Variants in CCSER1 observed in about 807,000 individuals in gnomAD.
The protein encoded by CCSER1 is serine-rich coiled-coil domain-containing protein 1.
A neutral mutation model predicts 82.0 loss-of-function variants in CCSER1; 41 were observed. The observed-to-expected ratio is 0.50, with a 90% CI of 0.39 to 0.65. CCSER1 has a LOEUF of 0.65. CCSER1 is among the 30% of genes least tolerant of loss of function. The pLI, the probability that CCSER1 is intolerant of heterozygous loss-of-function variation, is 0.00. For missense variants in CCSER1, 1,119 were observed against 1,064.2 expected, an observed-to-expected ratio of 1.05 and a Z score of -0.72; for synonymous variants, 414 against 383.9, an observed-to-expected ratio of 1.08 and a Z score of -0.92.
At chr4:90,192,925 A>T (rs537982920) in intron 1 of CCSER1, among the ~76,000 whole-genome samples, 1 of 151,968 alleles carries the variant, frequency 6.6e-6, no homozygotes, top group Non-Finnish European at 1.5e-5. Context: ...ACAAAAAACA[A>T]TTTTTCTTTC....
In CCSER1 at chr4:90,572,418, G is replaced by T. The variant is rs540551293; in HGVS notation, c.1725-55607G>T. Among the ~76,000 whole-genome samples the T allele has an allele frequency of 3.4e-4, 51 of 152,094 alleles. 1 individual carries two copies. Among genetic ancestry groups the T allele is most frequent in the Admixed American group, 3.9e-4 (6 of 15,286 alleles). On this transcript the variant is annotated intron_variant, in intron 5 of 10. Transcript: ENST00000509176. ...AATTACCTACTACTATCTTGTTAAA[G>T]AAATTTTCTATCCTATTATGTTTCT...
intron 1 of CCSER1, among the ~76,000 whole-genome samples, chr4:90,215,033 A>G (rs1740771361): frequency 6.6e-6 from 1 of 152,206 alleles, no homozygotes; most frequent in South Asian, 2.1e-4. Flanking sequence ...CATTAATTTT[A>G]AAGAAATGTG....
At chr4:91,079,460 C>T (rs1002734602) in intron 9 of CCSER1, among the ~76,000 whole-genome samples, 1 of 152,156 alleles carries the variant, frequency 6.6e-6, no homozygotes, top group African/African-American at 2.4e-5. Flanking sequence ...GTACCAGCCA[C>T]TGCAAAAACA....
At chr4:91,530,831 G>A (rs577740069) in intron 10 of CCSER1, among the ~76,000 whole-genome samples, 6 of 151,940 alleles carry the variant, frequency 3.9e-5, no homozygotes, top group Non-Finnish European at 8.8e-5. Context: ...GGGATTACAG[G>A]CATGCGCCAC....
At chr4:90,479,086 A>G (rs1241270075) in intron 5 of CCSER1, among the ~76,000 whole-genome samples, 1 of 150,948 alleles carries the variant, frequency 6.6e-6, no homozygotes, top group Non-Finnish European at 1.5e-5. Flanking sequence ...AATCTGACAC[A>G]CTGTGAAATC....
At chr4:90,309,676 T>C in intron 2 of CCSER1, 68 bp downstream of exon 2, 2 of 1,236,748 alleles carry the variant, frequency 1.6e-6, no homozygotes, top group Admixed American at 3.1e-5. Context: ...TCAGTTTTCT[T>C]ATTCCATCTC....
At chr4:91,006,949 C>T (rs964104598) in intron 9 of CCSER1, among the ~76,000 whole-genome samples, 1 of 152,146 alleles carries the variant, frequency 6.6e-6, no homozygotes. Context: ...GAGGTACATA[C>T]TTGCTATCCC....
intron 9 of CCSER1, among the ~76,000 whole-genome samples, chr4:91,007,571 T>C (rs184462821): frequency 6.6e-6 from 1 of 152,194 alleles, no homozygotes; most frequent in African/African-American, 2.4e-5. Context: ...TTTGTATTTC[T>C]ATTGCATCAA....
At chr4:90,709,233 G>A (rs1180978250) in intron 6 of CCSER1, among the ~76,000 whole-genome samples, 2 of 152,028 alleles carry the variant, frequency 1.3e-5, no homozygotes, top group Admixed American at 6.6e-5. Flanking sequence ...ATACATTAAT[G>A]ATGCATTAAT....
intron 1 of CCSER1, among the ~76,000 whole-genome samples, chr4:90,210,705 A>G (rs1349441341): frequency 2.0e-5 from 3 of 152,088 alleles, no homozygotes; most frequent in African/African-American, 7.2e-5. Flanking sequence ...TCAGCCTCCC[A>G]AAGTGCTGGG....
At chr4:90,437,338 A>G (rs76469705) in intron 4 of CCSER1, among the ~76,000 whole-genome samples, 1,900 of 152,226 alleles carry the variant, frequency 0.012, 31 homozygotes, top group African/African-American at 0.043. Context: ...TATATAATCT[A>G]TAGTGAACAA....
chr4:91,078,211 C>A (rs533398820), intron 9 of CCSER1, among the ~76,000 whole-genome samples: 8 of 152,266 alleles, frequency 5.3e-5, no homozygotes, highest in Admixed American at 2.6e-4. Flanking sequence ...CTACTAACAC[C>A]TCATAAGGCT....
At chr4:91,193,570 A>G (rs1230111884) in intron 10 of CCSER1, among the ~76,000 whole-genome samples, 1 of 152,228 alleles carries the variant, frequency 6.6e-6, no homozygotes, top group Non-Finnish European at 1.5e-5. Context: ...ACTGTAAAGT[A>G]CAAAAATACT....
intron 6 of CCSER1, among the ~76,000 whole-genome samples, chr4:90,691,147 G>A (rs1735745404): frequency 6.6e-6 from 1 of 151,888 alleles, no homozygotes; most frequent in African/African-American, 2.4e-5. Context: ...TAATAATATA[G>A]TGGCCTTACC....
intron 1 of CCSER1, among the ~76,000 whole-genome samples, chr4:90,230,772 A>G (rs1280109553): frequency 6.6e-6 from 1 of 152,056 alleles, no homozygotes; most frequent in Non-Finnish European, 1.5e-5. Flanking sequence ...AGACGCAATA[A>G]AAAATGATAA....
intron 5 of CCSER1, among the ~76,000 whole-genome samples, chr4:90,616,738 CAAATAAAAT>C (rs1293313452): frequency 3.5e-5 from 2 of 57,764 alleles, no homozygotes; most frequent in African/African-American, 1.7e-4. Flanking sequence ...CACACACACA[CAAATAAAAT>C]AAAATAAAAG....
intron 10 of CCSER1, among the ~76,000 whole-genome samples, chr4:91,512,961 T>TA (rs1759909366): frequency 6.6e-6 from 1 of 152,122 alleles, no homozygotes; most frequent in Admixed American, 6.5e-5. Context: ...TTATTTTTTT[T>TA]ATCTTGCCTG....
intron 9 of CCSER1, among the ~76,000 whole-genome samples, chr4:91,051,610 A>G (rs781495343): frequency 6.6e-6 from 1 of 152,160 alleles, no homozygotes; most frequent in Non-Finnish European, 1.5e-5. Context: ...AAATGGATTG[A>G]TGGTCCATTA....
chr4:91,528,503 G>C (rs745685846), intron 10 of CCSER1, among the ~76,000 whole-genome samples: 3 of 152,114 alleles, frequency 2.0e-5, no homozygotes, highest in South Asian at 2.1e-4. Flanking sequence ...CAAAAACAGA[G>C]CAATGTTGCT....
Sources: allele counts gnomAD v4.1 joint callset (sites outside exome capture counted in the v4.1 genomes callset), GRCh38; gene constraint gnomAD v4.1.1; transcripts MANE v1.5; gene names NCBI Gene and HGNC (gene_info 2026-07-23, HGNC 2026-07-21).